The following TMEM163 variants were observed in gnomAD, a reference collection of about 807,000 sequenced individuals.
TMEM163 encodes transmembrane protein 163.
Under a neutral mutation model 29.3 loss-of-function variants are expected in TMEM163, and 17 were observed. That is an observed-to-expected ratio of 0.58 (90% CI 0.40 to 0.87). The LOEUF (loss-of-function observed/expected upper bound fraction) is 0.87, where lower values mean the gene tolerates loss of function less well. TMEM163 is among the 40% of genes least tolerant of loss of function. The probability of loss-of-function intolerance (pLI) is 0.00; values close to 1 mark genes in which losing one functional copy is unlikely to be tolerated. For synonymous variants in TMEM163, 157 were observed against 160.6 expected, an observed-to-expected ratio of 0.98 and a Z score of 0.17; for missense variants, 303 against 381.5, an observed-to-expected ratio of 0.79 and a Z score of 1.71.
chr2:134,639,251 CTGTT>C (rs1683175598), intron 2 of TMEM163, among the ~76,000 whole-genome samples: 4 of 152,170 alleles, frequency 2.6e-5, no homozygotes, highest in African/African-American at 7.2e-5. Flanking sequence ...GACAGGAAGA[CTGTT>C]TGGCATTCGT....
chr2:134,622,449 C>T (rs975043712), intron 2 of TMEM163, among the ~76,000 whole-genome samples: 5 of 152,102 alleles, frequency 3.3e-5, no homozygotes, highest in African/African-American at 7.2e-5. Context: ...CAGCAAAGGC[C>T]GTGTCTTTGC....
intron 2 of TMEM163, among the ~76,000 whole-genome samples, chr2:134,598,136 T>G (rs1320557048): frequency 6.6e-6 from 1 of 152,204 alleles, no homozygotes; most frequent in Non-Finnish European, 1.5e-5. Flanking sequence ...AAGCATAAAT[T>G]TTTAAACTGA....
chr2:134,464,953 C>A (rs551074848), intron 6 of TMEM163, among the ~76,000 whole-genome samples: 2 of 152,232 alleles, frequency 1.3e-5, no homozygotes, highest in East Asian at 1.9e-4. Context: ...CTCCGTCCTG[C>A]GGGTGAGAAG....
intron 4 of TMEM163, among the ~76,000 whole-genome samples, chr2:134,533,501 CA>C (rs1348976166): frequency 6.6e-6 from 1 of 152,214 alleles, no homozygotes; most frequent in Non-Finnish European, 1.5e-5. Context: ...CTCACTTTAA[CA>C]TTCATATTAA....
intron 4 of TMEM163, among the ~76,000 whole-genome samples, chr2:134,516,666 C>T (rs1202924065): frequency 6.9e-6 from 1 of 144,098 alleles, no homozygotes; most frequent in African/African-American, 2.6e-5. Context: ...TATATTCATA[C>T]ATATAGTCAT....
chr2:134,694,939 G>A (rs1341023243), intron 2 of TMEM163, among the ~76,000 whole-genome samples: 5 of 151,928 alleles, frequency 3.3e-5, no homozygotes, highest in Non-Finnish European at 7.4e-5. Flanking sequence ...CAAACTCCAC[G>A]GTTTTCTGGA....
chr2:134,598,855 G>GA (rs1482298395), intron 2 of TMEM163, among the ~76,000 whole-genome samples: 1 of 151,518 alleles, frequency 6.6e-6, no homozygotes, highest in Non-Finnish European at 1.5e-5. Flanking sequence ...GGGAGGTGGG[G>GA]GGTTGCAGTG....
At chr2:134,530,482 G>A (rs546910011) in intron 4 of TMEM163, among the ~76,000 whole-genome samples, 2 of 152,162 alleles carry the variant, frequency 1.3e-5, no homozygotes, top group South Asian at 2.1e-4. Flanking sequence ...TCACTGTGTT[G>A]CCCAGACTGG....
chr2:134,521,470 G>A (rs1266026143), intron 4 of TMEM163, among the ~76,000 whole-genome samples: 2 of 152,182 alleles, frequency 1.3e-5, no homozygotes, highest in African/African-American at 2.4e-5. Flanking sequence ...CAGGGATGCT[G>A]CGATGCACAG....
intron 2 of TMEM163, among the ~76,000 whole-genome samples, chr2:134,577,810 TG>T (rs1553482560): frequency 6.8e-6 from 1 of 148,106 alleles, no homozygotes; most frequent in African/African-American, 2.5e-5. Context: ...CGAAAACATG[TG>T]GGGGGGAAAA....
chr2:134,507,394 G>T (rs560929539), intron 4 of TMEM163, among the ~76,000 whole-genome samples: 1 of 152,120 alleles, frequency 6.6e-6, no homozygotes, highest in South Asian at 2.1e-4. Context: ...CGGATCAGTG[G>T]TTGTCACAGT....
At chr2:134,517,131 T>G (rs1680088686) in intron 4 of TMEM163, among the ~76,000 whole-genome samples, 1 of 151,830 alleles carries the variant, frequency 6.6e-6, no homozygotes, top group Non-Finnish European at 1.5e-5. Flanking sequence ...CTGGTAAAAT[T>G]CACCATACTG....
chr2:134,503,523 T>C (rs1679747098), intron 4 of TMEM163, among the ~76,000 whole-genome samples: 1 of 152,218 alleles, frequency 6.6e-6, no homozygotes, highest in Admixed American at 6.5e-5. Context: ...TGGGAAGCCA[T>C]TACTGTTAGC....
chr2:134,672,652 T>C (rs976540030), intron 2 of TMEM163, among the ~76,000 whole-genome samples: 3 of 152,152 alleles, frequency 2.0e-5, no homozygotes, highest in African/African-American at 7.2e-5. Context: ...GCTGAAATTA[T>C]AGGCATAAGC....
At chr2:134,544,312 T>A (rs1485219406) in intron 4 of TMEM163, among the ~76,000 whole-genome samples, 1 of 152,194 alleles carries the variant, frequency 6.6e-6, no homozygotes, top group Non-Finnish European at 1.5e-5. Flanking sequence ...GCCCTCCATC[T>A]CCAGCACCTC....
At chr2:134,480,133 C>T (rs937199417) in intron 5 of TMEM163, among the ~76,000 whole-genome samples, 1 of 152,176 alleles carries the variant, frequency 6.6e-6, no homozygotes, top group East Asian at 1.9e-4. Flanking sequence ...CAGCTCCTTG[C>T]AGAAAAGCCA....
chr2:134,520,473 G>C (rs1182180429), intron 4 of TMEM163, among the ~76,000 whole-genome samples: 1 of 152,192 alleles, frequency 6.6e-6, no homozygotes, highest in Non-Finnish European at 1.5e-5. Flanking sequence ...ACTTCTCTAT[G>C]CCATGATTTC....
chr2:134,689,613 T>C (rs1375464252), intron 2 of TMEM163, among the ~76,000 whole-genome samples: 2 of 152,142 alleles, frequency 1.3e-5, no homozygotes, highest in African/African-American at 2.4e-5. Flanking sequence ...GCTTCAGGGA[T>C]GGGGCTTCCT....
intron 4 of TMEM163, among the ~76,000 whole-genome samples, chr2:134,509,420 A>G (rs1679899677): frequency 6.6e-6 from 1 of 152,196 alleles, no homozygotes; most frequent in Admixed American, 6.5e-5. Context: ...AACTATGTGA[A>G]GGCACATCAG....
Sources: gnomAD v4.1 joint callset for allele counts (sites outside exome capture counted in the v4.1 genomes callset) on GRCh38, gnomAD v4.1.1 for gene constraint, MANE v1.5 for transcripts, NCBI Gene and HGNC (gene_info 2026-07-23, HGNC 2026-07-21) for gene names.